Variants in NFE2L3 observed in about 807,000 individuals in gnomAD.
NFE2L3 encodes nuclear factor erythroid 2-related factor 3.
Under a neutral mutation model 23.5 loss-of-function variants are expected in NFE2L3, and 18 were observed. That is an observed-to-expected ratio of 0.77 (90% CI 0.53 to 1.13). NFE2L3 has a LOEUF of 1.13. NFE2L3 is among the 50% of genes most tolerant of loss of function. The pLI is 0.00. For synonymous variants in NFE2L3, 424 were observed against 354.5 expected (o/e 1.20, Z -2.20); for missense variants, 1,152 against 877.2 (o/e 1.31, Z -3.96).
At chr7:26,161,869 G>T (rs1214260807) in intron 1 of NFE2L3, among the ~76,000 whole-genome samples, 1 of 152,098 alleles carries the variant, frequency 6.6e-6, no homozygotes, top group Admixed American at 6.6e-5. Flanking sequence ...AATGCCAGGC[G>T]CAGTGGCTCT....
Position 26,177,930 on chromosome 7 carries a change from CGTACTTTTATAG to C in NFE2L3, c.571-11_571del, listed in dbSNP as rs746625067. 3.7e-6 allele frequency: 6 copies of C among 1,602,290 alleles called. No homozygotes were observed. In the East Asian group the frequency reaches 1.3e-4, roughly 36 times the overall value. ...ACTGTTTGCTTATTTGATGAAATTT[CGTACTTTTATAG>C]GAGAATGGGGTACTAAGAGAAAAGC... On this transcript the variant is annotated splice_acceptor_variant and splice_polypyrimidine_tract_variant and intron_variant, in intron 1 of 3. Coordinates refer to ENST00000056233, the MANE Select transcript of NFE2L3 (RefSeq NM_004289.7). LOFTEE classifies it high-confidence loss of function.
In NFE2L3 at chr7:26,185,817, T is replaced by C. The variant is rs371487511; in HGVS notation, c.*34T>C. 6.6e-5 allele frequency: 100 copies of C among 1,517,226 alleles called. No individual in the cohort carries two copies. Among genetic ancestry groups the C allele is most frequent in the Non-Finnish European group, 8.8e-5 (99 of 1,129,010 alleles). The allele number at this position is 1,517,226 out of a possible 1,614,324, so 94.0% of individuals were successfully genotyped here. A position where few individuals can be genotyped will look rare whatever the true frequency, so the allele number is the denominator to read the frequency against. ...TGAAGATGGACTCTATTATGTGAAG[T>C]AGTAATGTTCAGAAACTGATTATTT... On this transcript the variant is annotated 3_prime_UTR_variant, in exon 4 of 4. Coordinates refer to ENST00000056233, the MANE Select transcript of NFE2L3 (RefSeq NM_004289.7).
chr7:26,181,475 A>G (rs1784507927), intron 2 of NFE2L3, among the ~76,000 whole-genome samples: 1 of 152,148 alleles, frequency 6.6e-6, no homozygotes, highest in Admixed American at 6.5e-5. Flanking sequence ...ACCCTTTAGA[A>G]ATCAGAACCC....
intron 2 of NFE2L3, among the ~76,000 whole-genome samples, chr7:26,181,511 A>G (rs948712278): frequency 3.3e-5 from 5 of 152,144 alleles, no homozygotes; most frequent in African/African-American, 9.7e-5. Flanking sequence ...AGCTAGATAT[A>G]AGATCTGAAT....
At chr7:26,154,879 T>A (rs944259403) in intron 1 of NFE2L3, among the ~76,000 whole-genome samples, 7 of 152,200 alleles carry the variant, frequency 4.6e-5, no homozygotes, top group African/African-American at 1.4e-4. Flanking sequence ...TTTTTGAGCC[T>A]AGGCCAGCCA....
intron 1 of NFE2L3, among the ~76,000 whole-genome samples, chr7:26,158,422 A>T (rs1199164384): frequency 6.6e-6 from 1 of 152,150 alleles, no homozygotes; most frequent in African/African-American, 2.4e-5. Context: ...TATAACAATC[A>T]CCATCTTCCT....
At chr7:26,180,378 T>G (rs112720479) in intron 2 of NFE2L3, among the ~76,000 whole-genome samples, 1,858 of 152,322 alleles carry the variant, frequency 0.012, 22 homozygotes, top group Non-Finnish European at 0.017. Context: ...TTTTCCCAGC[T>G]GGTATTCTCC....
intron 1 of NFE2L3, among the ~76,000 whole-genome samples, chr7:26,159,175 C>G (rs890537368): frequency 2.0e-5 from 3 of 152,178 alleles, no homozygotes; most frequent in African/African-American, 7.2e-5. Flanking sequence ...CCCCCAGCTG[C>G]TCTTGCTGGG....
chr7:26,169,924 C>T (rs1326959043), intron 1 of NFE2L3, among the ~76,000 whole-genome samples: 2 of 150,504 alleles, frequency 1.3e-5, no homozygotes, highest in African/African-American at 4.9e-5. Flanking sequence ...ATGGCGAGAC[C>T]CCGTCTCTAC....
At position 26,186,993 on chromosome 7, in the gene NFE2L3, A is replaced by AAAT. The variant is rs1782503113; in HGVS notation, c.*1211_*1213dup. On this transcript the variant is annotated 3_prime_UTR_variant, in exon 4 of 4. Coordinates refer to ENST00000056233, the MANE Select transcript of NFE2L3 (RefSeq NM_004289.7). ...AATGCTTAATATGTCCAAATTTTCA[A>AAAT]AATGAAGTTTCTCAGATATTATTTC... is the stretch of plus-strand genomic sequence containing the variant. 6.6e-6 allele frequency: 1 copy of AAAT among 152,178 alleles called. No individual in the cohort carries two copies. The highest frequency in any genetic ancestry group is 2.4e-5 in the African/African-American group (1 of 41,418). 9.4% of individuals were successfully genotyped at this position (152,178 alleles called of 1,614,324 possible).
rs769409170 is a variant in NFE2L3, at chr7:26,185,526, G to A, written c.1828G>A (p.Val610Ile). The A allele has an allele frequency of 9.9e-6, 16 of 1,613,434 alleles. No homozygotes were observed. In the South Asian group the frequency reaches 1.2e-4, roughly 12 times the overall value. The change falls in exon 4 of 4, where the codon GTA becomes ATA. Residue 610 changes from valine to isoleucine, a missense_variant. By Grantham distance (29) the Val-to-Ile change is conservative. Transcript: ENST00000056233. The stretch of plus-strand genomic sequence containing the variant: ...CATAATTTTGAATTTAGAAGATGAT[G>A]TATGTAACTTGCAAGCAAAGAAGGA... Reference protein sequence around the residue: ...LDIILNLEDDVCNLQAKKETL... With the variant: ...LDIILNLEDDICNLQAKKETL...
At position 26,184,933 on chromosome 7, in the gene NFE2L3, T is replaced by C. The variant is rs562311175; in HGVS notation, c.1235T>C (p.Phe412Ser). ...NFDPIDVSQL[F>S]DEPDSDSGLS... ...GATCCAATCGATGTTTCTCAGCTTTTTGATGAACCAGATTCTGATTCTGGC... is the reference window on the plus strand; with the variant it reads ...GATCCAATCGATGTTTCTCAGCTTTCTGATGAACCAGATTCTGATTCTGGC... The change falls in exon 4 of 4, where the codon TTT becomes TCT. Residue 412 changes from phenylalanine (F) to serine (S), a missense_variant. Transcript: ENST00000056233. 23 of 1,613,952 alleles carry C rather than the reference T, an allele frequency of 1.4e-5. No homozygotes were observed. The highest frequency in any genetic ancestry group is 6.7e-5 in the African/African-American group (5 of 75,044).
intron 2 of NFE2L3, among the ~76,000 whole-genome samples, chr7:26,179,500 A>C (rs1248959675): frequency 7.3e-6 from 1 of 136,956 alleles, no homozygotes; most frequent in Middle Eastern, 3.5e-3. Flanking sequence ...ACCCTGTCTC[A>C]AAAAAAAAAA....
chr7:26,169,656 T>C (rs1784306470), intron 1 of NFE2L3, among the ~76,000 whole-genome samples: 1 of 152,236 alleles, frequency 6.6e-6, no homozygotes, highest in African/African-American at 2.4e-5. Context: ...TTGTGTTTAT[T>C]ATATTTGCTT....
At chr7:26,157,116 GAAAAA>G (rs1298497330) in intron 1 of NFE2L3, among the ~76,000 whole-genome samples, 1 of 150,338 alleles carries the variant, frequency 6.7e-6, no homozygotes, top group South Asian at 2.1e-4. Flanking sequence ...CATCTCAAAA[GAAAAA>G]AAAAGAAAAG....
chr7:26,158,733 A>G (rs774330068), intron 1 of NFE2L3, among the ~76,000 whole-genome samples: 1 of 152,194 alleles, frequency 6.6e-6, no homozygotes, highest in Non-Finnish European at 1.5e-5. Context: ...GGAAATGAGC[A>G]TGCAGGGCCC....
intron 1 of NFE2L3, among the ~76,000 whole-genome samples, chr7:26,167,793 G>A (rs977764692): frequency 3.3e-5 from 5 of 152,186 alleles, no homozygotes; most frequent in South Asian, 4.2e-4. Flanking sequence ...CTTGAAATCC[G>A]GATTGAGTTA....
chr7:26,176,334 C>T (rs890468247), intron 1 of NFE2L3, among the ~76,000 whole-genome samples: 1 of 152,160 alleles, frequency 6.6e-6, no homozygotes, highest in Non-Finnish European at 1.5e-5. Flanking sequence ...TTGACAAAAC[C>T]GCCATCGTCA....
intron 2 of NFE2L3, among the ~76,000 whole-genome samples, chr7:26,180,987 C>T (rs1035278521): frequency 2.0e-5 from 3 of 150,386 alleles, no homozygotes; most frequent in African/African-American, 4.9e-5. Flanking sequence ...TTGAGGAAGG[C>T]GGCGGGGGAG....
Sources: gnomAD v4.1 joint callset for allele counts (sites outside exome capture counted in the v4.1 genomes callset) on GRCh38, gnomAD v4.1.1 for gene constraint, MANE v1.5 for transcripts, NCBI Gene and HGNC (gene_info 2026-07-23, HGNC 2026-07-21) for gene names.